Variants in SEC31A observed in about 807,000 individuals in gnomAD.
The protein encoded by SEC31A is SEC31 homolog A, COPII component.
SEC31A carries 70 observed loss-of-function variants against 151.0 expected under a neutral mutation model. That is an observed-to-expected ratio of 0.46 (90% CI 0.38 to 0.57). The LOEUF (loss-of-function observed/expected upper bound fraction) is 0.57, where lower values mean the gene tolerates loss of function less well. SEC31A is among the 20% of genes least tolerant of loss of function. SEC31A has a pLI of 0.00. For missense variants in SEC31A, 1,330 were observed against 1,471.2 expected (o/e 0.90, Z 1.57); for synonymous variants, 475 against 505.9 (o/e 0.94, Z 0.82).
intron 3 of SEC31A, among the ~76,000 whole-genome samples, chr4:82,896,402 G>C (rs1200787218): frequency 6.6e-6 from 1 of 151,830 alleles, no homozygotes; most frequent in Non-Finnish European, 1.5e-5. Context: ...ATTTTTAGTA[G>C]AGACGGAGTT....
Position 82,819,005 on chromosome 4 carries a change from TTA to T in SEC31A, c.*67_*68del, listed in dbSNP as rs1338427230. On this transcript the variant is annotated 3_prime_UTR_variant, in exon 27 of 27. Coordinates refer to ENST00000395310, the MANE Select transcript of SEC31A (RefSeq NM_001077207.4). ...ATGCTAATGAGGACTAGTCCATGTC[TTA>T]TAATTTTTTTTTTTAACATGTTTCT... The T allele has an allele frequency of 1.3e-5, 18 of 1,366,376 alleles. No homozygotes were observed. The highest frequency in any genetic ancestry group is 1.8e-5 in the Non-Finnish European group (18 of 1,000,264). 84.6% of individuals were successfully genotyped at this position (1,366,376 alleles called of 1,614,324 possible). A position where few individuals can be genotyped will look rare whatever the true frequency, so the allele number is the denominator to read the frequency against.
In SEC31A at chr4:82,890,725, C is replaced by G. The variant is rs1218149939; in HGVS notation, c.-5+363G>C. 7 of 1,095,244 alleles carry G rather than the reference C, an allele frequency of 6.4e-6. No individual in the cohort carries two copies. In the African/African-American group the frequency reaches 9.8e-5, roughly 15 times the overall value. 67.8% of individuals were successfully genotyped at this position (1,095,244 alleles called of 1,614,324 possible). Reference sequence around the variant, plus strand: ...CCAAAGTAATCCTGAGATTTTTTTTCCTCTCCTCACCCTCGGGGACCGCAC... The same window carrying G: ...CCAAAGTAATCCTGAGATTTTTTTTGCTCTCCTCACCCTCGGGGACCGCAC... On this transcript the variant is annotated intron_variant, in intron 1 of 26. Coordinates refer to ENST00000395310, the MANE Select transcript of SEC31A (RefSeq NM_001077207.4).
intron 20 of SEC31A, among the ~76,000 whole-genome samples, chr4:82,847,260 G>T (rs1304252891): frequency 6.6e-6 from 1 of 152,142 alleles, no homozygotes; most frequent in African/African-American, 2.4e-5. Flanking sequence ...AAGTCCTCCT[G>T]ATCTGGCCTC....
intron 20 of SEC31A, 65 bp from the exon 21 acceptor site, chr4:82,844,574 T>C: frequency 6.8e-7 from 1 of 1,477,964 alleles, no homozygotes; most frequent in Non-Finnish European, 9.3e-7. Flanking sequence ...CCAGATGGAA[T>C]TACAATCTCT....
At position 82,871,944 on chromosome 4, in the gene SEC31A, C is replaced by T. The variant is rs1407512116; in HGVS notation, c.782G>A (p.Arg261Lys). Reference protein sequence around the residue: ...SPLRVLENHARGILAIAWSMA... With the variant: ...SPLRVLENHAKGILAIAWSMA... ...GTTCTTTGTAACAGCAGCACGATAC[C>T]TGGCATGGTTTTCCAGGACACGAAG... is the stretch of plus-strand genomic sequence containing the variant. The change falls in exon 7 of 27, where the codon AGG (arginine) becomes AAG (lysine). Residue 261 changes from arginine (R) to lysine (K), a missense_variant and splice_region_variant. Physicochemically the swap from Arg to Lys is conservative, Grantham distance 26 (BLOSUM62 2). Transcript: ENST00000395310. 1 of 1,613,986 alleles carries T rather than the reference C, an allele frequency of 6.2e-7. No individual in the cohort carries two copies. The highest frequency in any genetic ancestry group is 8.5e-7 in the Non-Finnish European group (1 of 1,179,998).
chr4:82,896,365 G>A (rs1354435976), intron 3 of SEC31A, among the ~76,000 whole-genome samples: 1 of 152,090 alleles, frequency 6.6e-6, no homozygotes, highest in Admixed American at 6.5e-5. Context: ...TTACAGGTGC[G>A]TGCCACCATG....
intron 3 of SEC31A, chr4:82,897,820 T>A (rs896348098): frequency 1.3e-5 from 2 of 152,194 alleles, no homozygotes; most frequent in Non-Finnish European, 2.9e-5. Flanking sequence ...TAAATAAATA[T>A]CTGTTATTAT....
intron 1 of SEC31A, 136 bp downstream of exon 1, chr4:82,890,952 C>G: frequency 1.4e-6 from 2 of 1,444,236 alleles, no homozygotes; most frequent in Non-Finnish European, 1.8e-6. Context: ...AGACTAGGGG[C>G]GCGCCGTCAC....
At chr4:82,897,655 C>T (rs187192886) in intron 3 of SEC31A, 1 of 152,172 alleles carries the variant, frequency 6.6e-6, no homozygotes, top group African/African-American at 2.4e-5. Flanking sequence ...GGGAAGATTG[C>T]TTGGGCCTGG....
At chr4:82,891,322 G>T, upstream of SEC31A, 1 of 777,708 alleles carries the variant, frequency 1.3e-6, no homozygotes, top group Non-Finnish European at 2.0e-6. Flanking sequence ...AGCCTGGGAG[G>T]CGGGGTACGG....
rs144234211 is a variant in SEC31A, at chr4:82,838,357, T to A, written c.2968+3783A>T. Among the ~76,000 whole-genome samples, 569 of 152,268 alleles carry A rather than the reference T, an allele frequency of 3.7e-3. 1 individual carries two copies. Among genetic ancestry groups the A allele is most frequent in the African/African-American group, 0.013 (543 of 41,548 alleles). On this transcript the variant is annotated intron_variant, in intron 22 of 26. Coordinates refer to ENST00000395310, the MANE Select transcript of SEC31A (RefSeq NM_001077207.4). ...AAACAGAAACAAAAGTGACAGGCAG[T>A]TATCCTAGATAGTAAAACAGGGAAA...
upstream of SEC31A, chr4:82,891,411 A>C: frequency 5.2e-6 from 3 of 578,014 alleles, no homozygotes; most frequent in Non-Finnish European, 9.3e-6. Context: ...GGCGCGCAGA[A>C]TGTGGATGGG....
chr4:82,821,860 T>A (rs181007827), intron 25 of SEC31A, among the ~76,000 whole-genome samples: 7 of 152,308 alleles, frequency 4.6e-5, no homozygotes, highest in Admixed American at 3.9e-4. Flanking sequence ...AACTGTGGAA[T>A]CTTGTTTTAA....
At chr4:82,882,205 C>T (rs909394049) in intron 1 of SEC31A, among the ~76,000 whole-genome samples, 1 of 151,912 alleles carries the variant, frequency 6.6e-6, no homozygotes, top group Non-Finnish European at 1.5e-5. Context: ...AGATTGAGAC[C>T]ATCCTGGCTA....
At chr4:82,876,830 A>C (rs1372813906) in intron 4 of SEC31A, among the ~76,000 whole-genome samples, 2 of 152,252 alleles carry the variant, frequency 1.3e-5, no homozygotes, top group Non-Finnish European at 2.9e-5. Flanking sequence ...ATAACTAAAA[A>C]AAGGGAGACA....
intron 26 of SEC31A, among the ~76,000 whole-genome samples, chr4:82,819,733 T>C (rs912177994): frequency 1.3e-5 from 2 of 152,118 alleles, no homozygotes; most frequent in African/African-American, 4.8e-5. Flanking sequence ...TTACTTGGCA[T>C]AGGTGTCCAT....
rs1278433070 is a variant in SEC31A, at chr4:82,874,629, G to C, written c.621C>G (p.Val207=). 8.7e-6 allele frequency: 14 copies of C among 1,609,942 alleles called. No homozygotes were observed. In the Admixed American group the frequency reaches 2.4e-4, roughly 28 times the overall value. ...TACTTACTCTGTTACTATGGTCACT[G>C]ACTTTGATGATTGGCTCATTTTTTC... ...DLRKNEPIIK[V]SDHSNRMHCS... is the part of the protein sequence containing the mutation. Residue 207 remains valine, a synonymous_variant, in exon 6 of 27, where the codon GTC becomes GTG. Coordinates refer to ENST00000395310, the MANE Select transcript of SEC31A (RefSeq NM_001077207.4).
intron 22 of SEC31A, among the ~76,000 whole-genome samples, chr4:82,834,842 TTTTA>T (rs536673253): frequency 1.3e-5 from 2 of 152,180 alleles, no homozygotes; most frequent in East Asian, 1.9e-4. Flanking sequence ...TACTCAAGGA[TTTTA>T]TTTATTTATT....
chr4:82,889,795 C>T lies in SEC31A; in HGVS notation c.-5+1293G>A, dbSNP rs1400076991. On this transcript the variant is annotated intron_variant, in intron 1 of 26. Transcript: ENST00000395310. ...AAATTTCAAATTTCACAAATAACCG[C>T]GGACGTATTTAAGATAAAATCACTA... Among the ~76,000 whole-genome samples, 7 of 151,992 alleles carry T rather than the reference C, an allele frequency of 4.6e-5. No homozygotes were observed. The East Asian group carries it at 1.3e-3, about 29-fold the overall frequency.
Sources: allele counts gnomAD v4.1 joint callset (sites outside exome capture counted in the v4.1 genomes callset), GRCh38; gene constraint gnomAD v4.1.1; transcripts MANE v1.5; gene names NCBI Gene and HGNC (gene_info 2026-07-23, HGNC 2026-07-21).